Variants in TCF4 observed in about 807,000 individuals in gnomAD.
TCF4 encodes the protein transcription factor 4.
A neutral mutation model predicts 82.1 loss-of-function variants in TCF4; 3 were observed. The ratio of observed to expected loss-of-function variants is 0.04; its 90% CI spans 0.02 to 0.09. TCF4 has a LOEUF of 0.09. Among genes scored for constraint, TCF4 ranks in the 10% least tolerant of loss-of-function variants. The pLI is 1.00. For synonymous variants in TCF4, 276 were observed against 309.6 expected (o/e 0.89, Z 1.14); for missense variants, 518 against 852.7 (o/e 0.61, Z 4.89).
chr18:55,333,469 A>G (rs1185357333), intron 8 of TCF4, among the ~76,000 whole-genome samples: 1 of 152,060 alleles, frequency 6.6e-6, no homozygotes, highest in African/African-American at 2.4e-5. Context: ...ACAAAACAAA[A>G]CAGAAAAACA....
intron 10 of TCF4, among the ~76,000 whole-genome samples, chr18:55,271,186 C>A (rs1250917789): frequency 6.6e-6 from 1 of 152,126 alleles, no homozygotes; most frequent in Non-Finnish European, 1.5e-5. Flanking sequence ...ACCTCCAACT[C>A]TTCCACCATC....
upstream of TCF4, among the ~76,000 whole-genome samples, chr18:55,590,065 C>G (rs971690213): frequency 6.6e-6 from 1 of 152,170 alleles, no homozygotes; most frequent in Non-Finnish European, 1.5e-5. Context: ...ATTCGTGTTG[C>G]CGCTTCTTGG....
intron 3 of TCF4, among the ~76,000 whole-genome samples, chr18:55,467,698 C>T (rs1051450280): frequency 5.9e-5 from 9 of 152,162 alleles, no homozygotes; most frequent in African/African-American, 2.2e-4. Flanking sequence ...AAACCTTGCA[C>T]AGGGCCTACA....
chr18:55,593,688 TAAAC>T (rs1001836956), intron 2 of TCF4, among the ~76,000 whole-genome samples: 1 of 152,122 alleles, frequency 6.6e-6, no homozygotes, highest in Non-Finnish European at 1.5e-5. Flanking sequence ...TGTGTTAAAA[TAAAC>T]AAGCAAATAG....
intron 8 of TCF4, among the ~76,000 whole-genome samples, chr18:55,324,207 G>A (rs1025205291): frequency 2.0e-5 from 3 of 152,170 alleles, no homozygotes; most frequent in African/African-American, 7.2e-5. Flanking sequence ...ACGAGTCTAA[G>A]ATTTCAAAAG....
In TCF4 at chr18:55,234,534, T is replaced by C. The variant is rs373457649; in HGVS notation, c.1486+14A>G. On this transcript the variant is annotated intron_variant, in intron 16 of 19. Transcript: ENST00000354452. ...GAAAGTGAGGTCAGAAGTGCCCTGGTGAGGCCAACCTACCTCTGTAAGGGT... is the reference window on the plus strand; with the variant it reads ...GAAAGTGAGGTCAGAAGTGCCCTGGCGAGGCCAACCTACCTCTGTAAGGGT... The C allele has an allele frequency of 2.5e-5, 40 of 1,614,062 alleles. No homozygotes were observed. In the African/African-American group the frequency reaches 4.9e-4, roughly 20 times the overall value.
intron 5 of TCF4, chr18:55,403,741 A>G: frequency 2.0e-6 from 3 of 1,535,956 alleles, no homozygotes; most frequent in Middle Eastern, 1.7e-4. Flanking sequence ...ACTGCTCCAC[A>G]CTTCCAAAAA....
At chr18:55,376,707 C>T (rs2090841904) in intron 6 of TCF4, among the ~76,000 whole-genome samples, 1 of 152,172 alleles carries the variant, frequency 6.6e-6, no homozygotes, top group South Asian at 2.1e-4. Flanking sequence ...TGCCAATGTC[C>T]CACATTCTTA....
At chr18:55,615,199 A>G (rs930504084) in intron 2 of TCF4, among the ~76,000 whole-genome samples, 5 of 152,138 alleles carry the variant, frequency 3.3e-5, no homozygotes, top group East Asian at 3.8e-4. Context: ...CAGGTCTTTG[A>G]TGAATGAACA....
intron 2 of TCF4, among the ~76,000 whole-genome samples, chr18:55,615,194 C>G (rs1323072240): frequency 6.6e-6 from 1 of 152,032 alleles, no homozygotes; most frequent in African/African-American, 2.4e-5. Flanking sequence ...GTTAACAGGT[C>G]TTTGATGAAT....
rs147614541 is a variant in TCF4, at chr18:55,522,847, T to C, written c.146-58710A>G. Among the ~76,000 whole-genome samples the C allele has an allele frequency of 9.1e-4, 139 of 152,124 alleles. 1 individual carries two copies. Among genetic ancestry groups the C allele is most frequent in the African/African-American group, 2.8e-3 (115 of 41,532 alleles). On this transcript the variant is annotated intron_variant, in intron 3 of 19. Transcript: ENST00000354452. ...CTAGTTAAGAAAAAACTTTAAAAACTGAAAAGCAAATTAAAATGTACACTA... is the reference window on the plus strand; with the variant it reads ...CTAGTTAAGAAAAAACTTTAAAAACCGAAAAGCAAATTAAAATGTACACTA...
chr18:55,254,529 C>G lies in TCF4; in HGVS notation c.1318G>C (p.Gly440Arg). 2 of 1,613,636 alleles carry G rather than the reference C, an allele frequency of 1.2e-6. No homozygotes were observed. The highest frequency in any genetic ancestry group is 1.7e-6 in the Non-Finnish European group (2 of 1,179,794). Residue 440 changes from glycine (G) to arginine (R), a missense_variant, in exon 15 of 20, where the codon GGC (glycine) becomes CGC (arginine). By Grantham distance (125) the Gly-to-Arg change is moderately radical. Around this residue, in one of 7 missense-constraint regions of TCF4, gnomAD observed 144 missense variants for 190.2 expected, o/e 0.76. Transcript: ENST00000354452. ...MGGLGSGYGT[G>R]LLSANRHSLM... ...GAATGTCTGTTGGCTGAAAGAAGGCCGGTTCCATACCCTGAGCCCAGACCA... is the reference window on the plus strand; with the variant it reads ...GAATGTCTGTTGGCTGAAAGAAGGCGGGTTCCATACCCTGAGCCCAGACCA...
intron 8 of TCF4, among the ~76,000 whole-genome samples, chr18:55,342,612 C>G (rs941257791): frequency 4.6e-5 from 7 of 152,146 alleles, no homozygotes; most frequent in Admixed American, 1.3e-4. Flanking sequence ...AGTAGTAACG[C>G]AAAATGAGCT....
At chr18:55,353,042 T>G (rs1441098880) in intron 6 of TCF4, among the ~76,000 whole-genome samples, 1 of 152,194 alleles carries the variant, frequency 6.6e-6, no homozygotes, top group Non-Finnish European at 1.5e-5. Context: ...TATTAAATAT[T>G]CAGAAAACGG....
intron 3 of TCF4, among the ~76,000 whole-genome samples, chr18:55,491,242 G>C (rs2096572864): frequency 6.6e-6 from 1 of 152,086 alleles, no homozygotes; most frequent in African/African-American, 2.4e-5. Flanking sequence ...GACATTAAGA[G>C]CTATAACAAT....
At chr18:55,434,418 TC>T (rs1428593052) in intron 5 of TCF4, among the ~76,000 whole-genome samples, 1 of 86,390 alleles carries the variant, frequency 1.2e-5, no homozygotes, top group Non-Finnish European at 2.5e-5. Flanking sequence ...TACAGGACAT[TC>T]TTTTTTTTTT....
chr18:55,381,909 G>C (rs1280070758), intron 6 of TCF4, among the ~76,000 whole-genome samples: 5 of 148,514 alleles, frequency 3.4e-5, no homozygotes, highest in Admixed American at 1.3e-4. Context: ...ACTCTAGAAG[G>C]GTTTTTTTTT....
chr18:55,252,809 GC>G (rs1231134825), intron 15 of TCF4, among the ~76,000 whole-genome samples: 1 of 151,994 alleles, frequency 6.6e-6, no homozygotes, highest in Non-Finnish European at 1.5e-5. Flanking sequence ...CACAGATCTG[GC>G]TTTTAATAAA....
At chr18:55,415,737 T>C (rs981246182) in intron 5 of TCF4, among the ~76,000 whole-genome samples, 2 of 152,212 alleles carry the variant, frequency 1.3e-5, no homozygotes, top group Admixed American at 6.5e-5. Context: ...CTGTCAGTTT[T>C]CAAGGCCACA....
Sources: gnomAD v4.1 joint callset for allele counts (sites outside exome capture counted in the v4.1 genomes callset) on GRCh38, gnomAD v4.1.1 for gene constraint, gnomAD v4.1.1 regional missense constraint, MANE v1.5 for transcripts, NCBI Gene and HGNC (gene_info 2026-07-23, HGNC 2026-07-21) for gene names.